Variants in GADD45GIP1 observed in about 807,000 individuals in gnomAD.
GADD45GIP1 encodes GADD45G interacting protein 1, also known as large ribosomal subunit protein mL64.
In GADD45GIP1, 17 loss-of-function variants were observed where a neutral mutation model predicts 22.1. The ratio of observed to expected loss-of-function variants is 0.77; its 90% CI spans 0.53 to 1.15. The LOEUF (loss-of-function observed/expected upper bound fraction) is 1.15, where lower values mean the gene tolerates loss of function less well. GADD45GIP1 is among the 50% of genes most tolerant of loss of function. The probability of loss-of-function intolerance (pLI) is 0.00; values close to 1 mark genes in which losing one functional copy is unlikely to be tolerated. For synonymous variants in GADD45GIP1, 135 were observed against 138.4 expected (o/e 0.98, Z 0.17); for missense variants, 294 against 314.0 (o/e 0.94, Z 0.48).
chr19:12,955,052 C>T (rs1466371962), intron 1 of GADD45GIP1, among the ~76,000 whole-genome samples: 2 of 152,172 alleles, frequency 1.3e-5, no homozygotes, highest in African/African-American at 4.8e-5. Flanking sequence ...TATTTCATCA[C>T]TCAGGTATTA....
chr19:12,956,431 A>G (rs772800339), intron 1 of GADD45GIP1, among the ~76,000 whole-genome samples: 6 of 152,192 alleles, frequency 3.9e-5, no homozygotes, highest in Non-Finnish European at 8.8e-5. Context: ...AGGCAGGTGG[A>G]TCACTTGAAG....
At position 12,956,957 on chromosome 19, in the gene GADD45GIP1, C is replaced by G; in HGVS notation, c.256G>C (p.Glu86Gln). 6.3e-7 allele frequency: 1 copy of G among 1,599,316 alleles called. No individual in the cohort carries two copies. The highest frequency in any genetic ancestry group is 8.5e-7 in the Non-Finnish European group (1 of 1,179,728). Residue 86 changes from glutamate (E) to glutamine (Q), a missense_variant, in exon 1 of 2, where the codon GAG (glutamate) becomes CAG (glutamine). Glu to Gln is a conservative substitution (Grantham distance 29). Transcript: ENST00000316939. ...WPSPEQLRELEAEEREWYPSL... is the reference protein window; with the variant it reads ...WPSPEQLRELQAEEREWYPSL... ...GGGTACCATTCGCGTTCTTCGGCCTCCAGCTCCCGCAGCTGCTCCGGCGAC... is the reference window on the plus strand; with the variant it reads ...GGGTACCATTCGCGTTCTTCGGCCTGCAGCTCCCGCAGCTGCTCCGGCGAC...
At chr19:12,955,537 CTCCAGGA>C (rs1409701578) in intron 1 of GADD45GIP1, among the ~76,000 whole-genome samples, 2 of 152,198 alleles carry the variant, frequency 1.3e-5, no homozygotes, top group Admixed American at 1.3e-4. Flanking sequence ...CCCCTTCACG[CTCCAGGA>C]TGTGGCATTA....
chr19:12,956,748 T>A (rs978450208), intron 1 of GADD45GIP1, 115 bp downstream of exon 1: 1 of 854,740 alleles, frequency 1.2e-6, no homozygotes, highest in Admixed American at 2.4e-5. Flanking sequence ...AGCGTATACA[T>A]AAATCTACAA....
chr19:12,953,206 C>G lies in GADD45GIP1; in HGVS notation c.*1002G>C. On this transcript the variant is annotated 3_prime_UTR_variant, in exon 2 of 2. Transcript: ENST00000316939. ...GCAAACAGTCCAGCTTCCTGTCCTC[C>G]TAAAGTGGCCCCTGTTCCCATCTCC... 1.8e-6 allele frequency: 1 copy of G among 541,098 alleles called. No homozygotes were observed. The highest frequency in any genetic ancestry group is 3.1e-6 in the Non-Finnish European group (1 of 325,092). 33.5% of individuals were successfully genotyped at this position (541,098 alleles called of 1,614,324 possible).
chr19:12,957,146 G>A lies in GADD45GIP1; in HGVS notation c.67C>T (p.Arg23Cys). 3.5e-6 allele frequency: 5 copies of A among 1,417,266 alleles called. No individual in the cohort carries two copies. The highest frequency in any genetic ancestry group is 2.7e-6 in the Non-Finnish European group (3 of 1,099,084). 87.8% of individuals were successfully genotyped at this position (1,417,266 alleles called of 1,614,324 possible). The change falls in exon 1 of 2, where the codon CGT becomes TGT. Residue 23 changes from arginine to cysteine, a missense_variant. Physicochemically the swap from Arg to Cys is radical, Grantham distance 180. Transcript: ENST00000316939. ...GVAATLAPGSRGYRARPPPRR... is the reference protein window; with the variant it reads ...GVAATLAPGSCGYRARPPPRR... The stretch of plus-strand genomic sequence containing the variant: ...GGGGGCGGCCGCGCCCGGTAGCCAC[G>A]GGAACCCGGGGCCAGGGTCGCCGCC...
At chr19:12,955,905 G>A (rs555064711) in intron 1 of GADD45GIP1, among the ~76,000 whole-genome samples, 1 of 152,240 alleles carries the variant, frequency 6.6e-6, no homozygotes, top group Admixed American at 6.5e-5. Context: ...CTTCAGACCT[G>A]CCTCTGTATC....
At position 12,957,148 on chromosome 19, in the gene GADD45GIP1, G is replaced by A; in HGVS notation, c.65C>T (p.Ser22Phe). 1 of 1,418,184 alleles carries A rather than the reference G, an allele frequency of 7.1e-7. No individual in the cohort carries two copies. Among genetic ancestry groups the A allele is most frequent in the East Asian group, 2.8e-5 (1 of 35,812 alleles). 87.9% of individuals were successfully genotyped at this position (1,418,184 alleles called of 1,614,324 possible). Residue 22 changes from serine to phenylalanine, a missense_variant, in exon 1 of 2, where the codon TCC (serine) becomes TTC (phenylalanine). By Grantham distance (155) the Ser-to-Phe change is radical (BLOSUM62 -2). Transcript: ENST00000316939. ...LGVAATLAPGSRGYRARPPPR... is the reference protein window; with the variant it reads ...LGVAATLAPGFRGYRARPPPR... The stretch of plus-strand genomic sequence containing the variant: ...GGGCGGCCGCGCCCGGTAGCCACGG[G>A]AACCCGGGGCCAGGGTCGCCGCCAC...
intron 1 of GADD45GIP1, 48 bp downstream of exon 1, chr19:12,956,815 G>GC (rs1204622297): frequency 5.2e-6 from 8 of 1,548,518 alleles, no homozygotes; most frequent in African/African-American, 1.4e-5. Flanking sequence ...GGCCCAGTTC[G>GC]CCCACGGGGC....
rs1402615502 is a variant in GADD45GIP1, at chr19:12,954,235, TG to T, written c.641del (p.Pro214GlnfsTer67). On this transcript the variant is annotated frameshift_variant, in exon 2 of 2. Coordinates refer to ENST00000316939, the MANE Select transcript of GADD45GIP1 (RefSeq NM_052850.4). LOFTEE classifies it high-confidence loss of function. The part of the protein sequence containing the change: ...AALAAAVAQD[P>X]AASGAPSS ...AGGAGCTGGGTGCCCCAGAGGCTGC[TG>T]GGTCTTGAGCCACAGCTGCAGCCAA... 6.2e-7 allele frequency: 1 copy of T among 1,613,962 alleles called. No homozygotes were observed. Among genetic ancestry groups the T allele is most frequent in the Non-Finnish European group, 8.5e-7 (1 of 1,179,980 alleles).
chr19:12,956,942 C>G lies in GADD45GIP1; in HGVS notation c.271G>C (p.Glu91Gln), dbSNP rs1290283104. The G allele has an allele frequency of 1.9e-6, 3 of 1,599,486 alleles. No individual in the cohort carries two copies. The highest frequency in any genetic ancestry group is 2.5e-6 in the Non-Finnish European group (3 of 1,179,796). The change falls in exon 1 of 2, where the codon GAA becomes CAA. Residue 91 changes from glutamate (E) to glutamine (Q), a missense_variant. Physicochemically the swap from Glu to Gln is conservative, Grantham distance 29 (BLOSUM62 2). Coordinates refer to ENST00000316939, the MANE Select transcript of GADD45GIP1 (RefSeq NM_052850.4). ...QLRELEAEER[E>Q]WYPSLATMQE... ...ATGGTCGCCAGGCTCGGGTACCATT[C>G]GCGTTCTTCGGCCTCCAGCTCCCGC...
chr19:12,955,291 C>A (rs1473327722), intron 1 of GADD45GIP1, among the ~76,000 whole-genome samples: 1 of 152,152 alleles, frequency 6.6e-6, no homozygotes, highest in African/African-American at 2.4e-5. Flanking sequence ...TTTTTTATGA[C>A]AGCCTCATTT....
chr19:12,953,183 A>C lies in GADD45GIP1; in HGVS notation c.*1025T>G, dbSNP rs924111179. The C allele has an allele frequency of 1.2e-5, 8 of 655,264 alleles. 1 individual carries two copies. The South Asian group carries it at 1.7e-4, about 14-fold the overall frequency. 40.6% of individuals were successfully genotyped at this position (655,264 alleles called of 1,614,324 possible). The stretch of plus-strand genomic sequence containing the variant: ...AATCAAAAATCTTAAAAAAACAAGC[A>C]AACAGTCCAGCTTCCTGTCCTCCTA... On this transcript the variant is annotated 3_prime_UTR_variant, in exon 2 of 2. Transcript: ENST00000316939.
chr19:12,954,025 G>T lies in GADD45GIP1; in HGVS notation c.*183C>A. ...ACACCCCCCTTTTCCTCCCACTGAA[G>T]CCCCAGTTAGTCAGCAGGGCCTAGA... On this transcript the variant is annotated 3_prime_UTR_variant, in exon 2 of 2. Transcript: ENST00000316939. 1.7e-6 allele frequency: 1 copy of T among 598,434 alleles called. No homozygotes were observed. The highest frequency in any genetic ancestry group is 2.2e-5 in the South Asian group (1 of 46,114). The allele number at this position is 598,434 out of a possible 1,614,324, so 37.1% of individuals were successfully genotyped here. A position where few individuals can be genotyped will look rare whatever the true frequency, so the allele number is the denominator to read the frequency against.
Position 12,957,035 on chromosome 19 carries a change from G to T in GADD45GIP1, c.178C>A (p.Gln60Lys). The stretch of plus-strand genomic sequence containing the variant: ...GAGGCGGCGCCGTAACGCGCGAACT[G>T]CTTAGCCGCGTAGCGCGGTCCCAGC... ...WQLGPRYAAK[Q>K]FARYGAASGV... Residue 60 changes from glutamine (Q) to lysine (K), a missense_variant, in exon 1 of 2, where the codon CAG (glutamine) becomes AAG (lysine). Physicochemically the swap from Gln to Lys is moderately conservative, Grantham distance 53. Coordinates refer to ENST00000316939, the MANE Select transcript of GADD45GIP1 (RefSeq NM_052850.4). The T allele has an allele frequency of 6.3e-7, 1 of 1,592,260 alleles. No individual in the cohort carries two copies. The highest frequency in any genetic ancestry group is 8.5e-7 in the Non-Finnish European group (1 of 1,176,830).
chr19:12,955,814 T>C (rs567921611), intron 1 of GADD45GIP1, among the ~76,000 whole-genome samples: 11 of 151,548 alleles, frequency 7.3e-5, no homozygotes, highest in South Asian at 2.1e-4. Context: ...TGAGCTGAGA[T>C]TGCACTCCAG....
At position 12,954,379 on chromosome 19, in the gene GADD45GIP1, G is replaced by C; in HGVS notation, c.498C>G (p.Tyr166Ter). 1 of 1,614,166 alleles carries C rather than the reference G, an allele frequency of 6.2e-7. No individual in the cohort carries two copies. The highest frequency in any genetic ancestry group is 8.5e-7 in the Non-Finnish European group (1 of 1,180,006). Reference protein sequence around the residue: ...LQAEAQELLGYQVDPRSARFQ... With the variant: ...LQAEAQELLG Reference sequence around the variant, plus strand: ...AGCGGGCACTCCTTGGGTCCACCTGGTAGCCCAGGAGCTCCTGGGCCTCAG... The same window carrying C: ...AGCGGGCACTCCTTGGGTCCACCTGCTAGCCCAGGAGCTCCTGGGCCTCAG... The change falls in exon 2 of 2, where the codon TAC becomes TAG. Residue 166 changes from tyrosine to a stop codon, truncating the protein, a stop_gained. Coordinates refer to ENST00000316939, the MANE Select transcript of GADD45GIP1 (RefSeq NM_052850.4). LOFTEE classifies it high-confidence loss of function.
chr19:12,957,184 C>A lies in GADD45GIP1; in HGVS notation c.29G>T (p.Ser10Ile), dbSNP rs756639068. The change falls in exon 1 of 2, where the codon AGC (serine) becomes ATC (isoleucine). Residue 10 changes from serine to isoleucine, a missense_variant. Ser to Ile is a moderately radical substitution (Grantham distance 142, BLOSUM62 -2). Coordinates refer to ENST00000316939, the MANE Select transcript of GADD45GIP1 (RefSeq NM_052850.4). ...CAGGGTCGCCGCCACACCTAGTAGGCTGCGTGCCTGTCGCACGGACGCCGC... is the reference window on the plus strand; with the variant it reads ...CAGGGTCGCCGCCACACCTAGTAGGATGCGTGCCTGTCGCACGGACGCCGC... MAASVRQAR[S>I]LLGVAATLAP... The A allele has an allele frequency of 1.7e-5, 24 of 1,406,512 alleles. No homozygotes were observed. Among genetic ancestry groups the A allele is most frequent in the Admixed American group, 3.4e-5 (1 of 29,290 alleles). 87.1% of individuals were successfully genotyped at this position (1,406,512 alleles called of 1,614,324 possible).
Position 12,954,508 on chromosome 19 carries a change from C to A in GADD45GIP1, c.369G>T (p.Glu123Asp). Residue 123 changes from glutamate (E) to aspartate (D), a missense_variant, in exon 2 of 2, where the codon GAG (glutamate) becomes GAT (aspartate). Physicochemically the swap from Glu to Asp is conservative, Grantham distance 45. Transcript: ENST00000316939. Reference sequence around the variant, plus strand: ...TCATCTGTGGCATCTTGGCCATGCACTCTGCGATGTGCTGCTCCCTGCAGG... The same window carrying A: ...TCATCTGTGGCATCTTGGCCATGCAATCTGCGATGTGCTGCTCCCTGCAGG... ...KRREREQHIA[E>D]CMAKMPQMIV... 3 of 1,613,606 alleles carry A rather than the reference C, an allele frequency of 1.9e-6. No homozygotes were observed. The highest frequency in any genetic ancestry group is 2.5e-6 in the Non-Finnish European group (3 of 1,179,712).
Sources: allele counts gnomAD v4.1 joint callset (sites outside exome capture counted in the v4.1 genomes callset), GRCh38; gene constraint gnomAD v4.1.1; transcripts MANE v1.5; gene names NCBI Gene and HGNC (gene_info 2026-07-23, HGNC 2026-07-21).